KIAA1614: variants seen among roughly 807,000 people sequenced by gnomAD.
KIAA1614 encodes KIAA1614.
In KIAA1614, 76 loss-of-function variants were observed where a neutral mutation model predicts 88.7. The ratio of observed to expected loss-of-function variants is 0.86; its 90% CI spans 0.71 to 1.04. The LOEUF (loss-of-function observed/expected upper bound fraction) is 1.04, where lower values mean the gene tolerates loss of function less well. Ranked by LOEUF, KIAA1614 falls within the 50% of genes least tolerant of loss-of-function variation. KIAA1614 has a pLI of 0.00. For missense variants in KIAA1614, 1,553 were observed against 1,582.5 expected (o/e 0.98, Z 0.32); for synonymous variants, 714 against 675.5 (o/e 1.06, Z -0.88).
At chr1:180,917,484 T>C (rs1653845896) in intron 2 of KIAA1614, among the ~76,000 whole-genome samples, 2 of 151,818 alleles carry the variant, frequency 1.3e-5, no homozygotes, top group Admixed American at 6.6e-5. Flanking sequence ...CAGACAGGAA[T>C]CCCTTCCTAA....
chr1:180,935,316 G>C lies in KIAA1614; in HGVS notation c.1407G>C (p.Gln469His). Residue 469 changes from glutamine (Q) to histidine (H), a missense_variant, in exon 5 of 9, where the codon CAG becomes CAC. Coordinates refer to ENST00000367588, the MANE Select transcript of KIAA1614 (RefSeq NM_020950.2). The surrounding 1 kb of genome is among the most constrained non-coding windows in gnomAD (Gnocchi z 6.1). ...EAEFRHLERL[Q>H]QRQRQVLSTV... is the part of the protein sequence containing the mutation. ...AGTTCCGTCACCTGGAGCGGCTGCA[G>C]CAGCGCCAGCGCCAGGTGCTGAGCA... 1.3e-6 allele frequency: 2 copies of C among 1,482,584 alleles called. No individual in the cohort carries two copies. Among genetic ancestry groups the C allele is most frequent in the Non-Finnish European group, 1.8e-6 (2 of 1,119,554 alleles). The allele number at this position is 1,482,584 out of a possible 1,614,324, so 91.8% of individuals were successfully genotyped here. A position where few individuals can be genotyped will look rare whatever the true frequency, so the allele number is the denominator to read the frequency against.
Position 180,935,591 on chromosome 1 carries a change from A to C in KIAA1614, c.1682A>C (p.Gln561Pro), listed in dbSNP as rs370172255. The C allele has an allele frequency of 1.7e-4, 275 of 1,610,020 alleles. No homozygotes were observed. Among genetic ancestry groups the C allele is most frequent in the Non-Finnish European group, 2.2e-4 (261 of 1,178,552 alleles). The change falls in exon 5 of 9, where the codon CAG becomes CCG. Residue 561 changes from glutamine to proline, a missense_variant. Physicochemically the swap from Gln to Pro is moderately conservative, Grantham distance 76 (BLOSUM62 -1). Coordinates refer to ENST00000367588, the MANE Select transcript of KIAA1614 (RefSeq NM_020950.2). The surrounding 1 kb of genome is among the most constrained non-coding windows in gnomAD (Gnocchi z 6.1). ...GKAPPVPRTLQELQAACGMER... is the reference protein window; with the variant it reads ...GKAPPVPRTLPELQAACGMER... ...GCGCCCCCCGTCCCCAGGACCCTCCAGGAGCTCCAGGCTGCCTGTGGGATG... is the reference window on the plus strand; with the variant it reads ...GCGCCCCCCGTCCCCAGGACCCTCCCGGAGCTCCAGGCTGCCTGTGGGATG...
intron 3 of KIAA1614, among the ~76,000 whole-genome samples, chr1:180,923,442 A>T (rs757277628): frequency 6.6e-6 from 1 of 152,112 alleles, no homozygotes; most frequent in Non-Finnish European, 1.5e-5. Context: ...AGGAGTGGGG[A>T]CCAAATCCGT....
rs12082445 is a variant in KIAA1614, at chr1:180,916,757, C to G, written c.654C>G (p.Pro218=). 6.2e-7 allele frequency: 1 copy of G among 1,614,066 alleles called. No individual in the cohort carries two copies. The highest frequency in any genetic ancestry group is 8.5e-7 in the Non-Finnish European group (1 of 1,180,026). ...AGAGCCCGATCCATGGAGTTACTCC[C>G]GGACGGCCTGGGGGTCCTGGTCATT... The part of the protein sequence containing the change: ...LQQSPIHGVT[P]GRPGGPGHCN... The change falls in exon 2 of 9, where the codon CCC becomes CCG. Residue 218 remains proline (P), a synonymous_variant. Coordinates refer to ENST00000367588, the MANE Select transcript of KIAA1614 (RefSeq NM_020950.2).
rs2331996 is a variant in KIAA1614, at chr1:180,946,994, G to C, written c.*1406G>C. On this transcript the variant is annotated 3_prime_UTR_variant, in exon 9 of 9. Coordinates refer to ENST00000367588, the MANE Select transcript of KIAA1614 (RefSeq NM_020950.2). Reference sequence around the variant, plus strand: ...GGTGAAAAGAAAGTTCTGAGAAACAGACAGATAAAGCAGGTGTGGCAGGTG... The same window carrying C: ...GGTGAAAAGAAAGTTCTGAGAAACACACAGATAAAGCAGGTGTGGCAGGTG... 1 of 152,106 alleles carries C rather than the reference G, an allele frequency of 6.6e-6. No homozygotes were observed. Among genetic ancestry groups the C allele is most frequent in the Non-Finnish European group, 1.5e-5 (1 of 68,026 alleles). 9.4% of individuals were successfully genotyped at this position (152,106 alleles called of 1,614,324 possible). A position where few individuals can be genotyped will look rare whatever the true frequency, so the allele number is the denominator to read the frequency against.
chr1:180,923,827 C>T (rs565217276), intron 3 of KIAA1614, among the ~76,000 whole-genome samples: 17 of 152,124 alleles, frequency 1.1e-4, no homozygotes, highest in South Asian at 6.2e-4. Flanking sequence ...TGGCTGAGAA[C>T]ACCCCAGGGC....
chr1:180,940,708 TCTTC>T (rs1486604345), intron 6 of KIAA1614, among the ~76,000 whole-genome samples: 1 of 151,736 alleles, frequency 6.6e-6, no homozygotes, highest in Non-Finnish European at 1.5e-5. Context: ...TTCTTTCTTC[TCTTC>T]CTTTTTTCTT....
At position 180,916,895 on chromosome 1, in the gene KIAA1614, C is replaced by T. The variant is rs1055234787; in HGVS notation, c.792C>T (p.Val264=). The change falls in exon 2 of 9, where the codon GTC becomes GTT. Residue 264 remains valine (V), a synonymous_variant. Transcript: ENST00000367588. Reference sequence around the variant, plus strand: ...GCACATCCCTGACCTCCGAGGAGGTCTTTGTCCCCAGGACGGCCCTGCTGG... The same window carrying T: ...GCACATCCCTGACCTCCGAGGAGGTTTTTGTCCCCAGGACGGCCCTGCTGG... ...LDSTSLTSEE[V]FVPRTALLGE... 1.9e-6 allele frequency: 3 copies of T among 1,614,114 alleles called. No homozygotes were observed. In the African/African-American group the frequency reaches 4.0e-5, roughly 22 times the overall value.
In KIAA1614 at chr1:180,935,774, G is replaced by A. The variant is rs1384057238; in HGVS notation, c.1865G>A (p.Arg622Lys). The A allele has an allele frequency of 6.2e-7, 1 of 1,613,912 alleles. No homozygotes were observed. The highest frequency in any genetic ancestry group is 1.3e-5 in the African/African-American group (1 of 75,066). ...LDSTDNSDNCRTDSEEAGTSQ... is the reference protein window; with the variant it reads ...LDSTDNSDNCKTDSEEAGTSQ... ...AGCACAGACAACTCTGACAACTGCAGGACCGACAGTGAGGAGGCGGGGACC... is the reference window on the plus strand; with the variant it reads ...AGCACAGACAACTCTGACAACTGCAAGACCGACAGTGAGGAGGCGGGGACC... Residue 622 changes from arginine to lysine, a missense_variant, in exon 5 of 9, where the codon AGG (arginine) becomes AAG (lysine). Physicochemically the swap from Arg to Lys is conservative, Grantham distance 26. Coordinates refer to ENST00000367588, the MANE Select transcript of KIAA1614 (RefSeq NM_020950.2). The surrounding 1 kb of genome is among the most constrained non-coding windows in gnomAD (Gnocchi z 6.1).
intron 6 of KIAA1614, 85 bp downstream of exon 6, chr1:180,938,796 G>T: frequency 1.5e-6 from 2 of 1,338,406 alleles, no homozygotes; most frequent in Admixed American, 4.0e-5. Flanking sequence ...TGGAGTGGTG[G>T]CATGACCCAC....
At chr1:180,938,856 C>G in intron 6 of KIAA1614, 145 bp downstream of exon 6, 4 of 687,582 alleles carry the variant, frequency 5.8e-6, no homozygotes, top group Non-Finnish European at 7.3e-6. Flanking sequence ...ACAAGCCTGG[C>G]AGCCCTCCCA....
intron 3 of KIAA1614, among the ~76,000 whole-genome samples, chr1:180,921,302 A>G (rs1228267179): frequency 1.3e-5 from 2 of 152,098 alleles, no homozygotes; most frequent in Admixed American, 1.3e-4. Context: ...TAAGATAGGA[A>G]CCGGCCATTT....
Position 180,945,462 on chromosome 1 carries a change from C to G in KIAA1614, c.3447C>G (p.Ala1149=). ...GGGGCACTTTCGGCTTCTGCGTGGCCTCTGGGAATGGGCGCCCAGACTCAG... is the reference window on the plus strand; with the variant it reads ...GGGGCACTTTCGGCTTCTGCGTGGCGTCTGGGAATGGGCGCCCAGACTCAG... ...SPGGTFGFCV[A]SGNGRPDSGM... Residue 1149 remains alanine (A), a synonymous_variant, in exon 9 of 9, where the codon GCC becomes GCG. Coordinates refer to ENST00000367588, the MANE Select transcript of KIAA1614 (RefSeq NM_020950.2). 6.2e-7 allele frequency: 1 copy of G among 1,612,968 alleles called. No individual in the cohort carries two copies. The highest frequency in any genetic ancestry group is 8.5e-7 in the Non-Finnish European group (1 of 1,179,802).
intron 4 of KIAA1614, among the ~76,000 whole-genome samples, chr1:180,933,959 A>C (rs559279762): frequency 6.6e-6 from 1 of 152,322 alleles, no homozygotes; most frequent in Non-Finnish European, 1.5e-5. Context: ...ATTGCTTAGA[A>C]ACCCTGACTT....
chr1:180,950,374 G>T lies in KIAA1614; in HGVS notation c.*4786G>T. On this transcript the variant is annotated 3_prime_UTR_variant, in exon 9 of 9. Transcript: ENST00000367588. ...TGCAGGAGATGGCTGACATGAGCATGGCCAAGCTGTACTCAGGGCTGCTGG... is the reference window on the plus strand; with the variant it reads ...TGCAGGAGATGGCTGACATGAGCATTGCCAAGCTGTACTCAGGGCTGCTGG... 8.1e-7 allele frequency: 1 copy of T among 1,233,032 alleles called. No homozygotes were observed. Among genetic ancestry groups the T allele is most frequent in the Non-Finnish European group, 1.0e-6 (1 of 960,746 alleles). The allele number at this position is 1,233,032 out of a possible 1,614,324, so 76.4% of individuals were successfully genotyped here.
At chr1:180,933,455 T>G (rs2102267907) in intron 4 of KIAA1614, among the ~76,000 whole-genome samples, 1 of 152,086 alleles carries the variant, frequency 6.6e-6, no homozygotes, top group Non-Finnish European at 1.5e-5. Context: ...AGGGGTCCAG[T>G]GTGAGTGATA....
chr1:180,924,263 C>T (rs1213998178), intron 3 of KIAA1614, among the ~76,000 whole-genome samples: 1 of 152,264 alleles, frequency 6.6e-6, no homozygotes, highest in Non-Finnish European at 1.5e-5. Flanking sequence ...AAGCCCTCTC[C>T]TCTGCCTGCC....
At chr1:180,917,283 C>A (rs916590402) in intron 2 of KIAA1614, among the ~76,000 whole-genome samples, 183 bp downstream of exon 2, 6 of 152,226 alleles carry the variant, frequency 3.9e-5, no homozygotes, top group Non-Finnish European at 7.3e-5. Flanking sequence ...TTCTTTGCAG[C>A]CTCACAGGCA....
chr1:180,941,306 C>G (rs1344731947), intron 7 of KIAA1614, 21 bp downstream of exon 7: 4 of 1,588,638 alleles, frequency 2.5e-6, no homozygotes, highest in Non-Finnish European at 3.4e-6. Context: ...GGGCCCCAGC[C>G]CAGGGAGTGA....
Sources: gnomAD v4.1 joint callset for allele counts (sites outside exome capture counted in the v4.1 genomes callset) on GRCh38, gnomAD v4.1.1 for gene constraint, Gnocchi (gnomAD v3.1) non-coding constraint, MANE v1.5 for transcripts, NCBI Gene and HGNC (gene_info 2026-07-23, HGNC 2026-07-21) for gene names.